ANKRD26: variants seen among roughly 807,000 people sequenced by gnomAD.
ANKRD26 encodes ankyrin repeat domain 26.
A neutral mutation model predicts 208.7 loss-of-function variants in ANKRD26; 141 were observed. That is an observed-to-expected ratio of 0.68 (90% CI 0.59 to 0.78). ANKRD26 has a LOEUF of 0.78. Ranked by LOEUF, ANKRD26 falls within the 30% of genes least tolerant of loss-of-function variation. The probability of loss-of-function intolerance (pLI) is 0.00; values close to 1 mark genes in which losing one functional copy is unlikely to be tolerated. For missense variants in ANKRD26, 1,889 were observed against 1,938.7 expected (o/e 0.97, Z 0.48); for synonymous variants, 636 against 660.4 (o/e 0.96, Z 0.57).
intron 18 of ANKRD26, chr10:27,045,992 T>C (rs2054428702): frequency 6.1e-6 from 1 of 163,982 alleles, no homozygotes; most frequent in Non-Finnish European, 1.3e-5. Flanking sequence ...AAGCATTTCC[T>C]TCTCTACTGG....
rs370283293 is a variant in ANKRD26 at position 27,077,580 on chromosome 10, G to A, written c.875-40C>T. On this transcript the variant is annotated intron_variant, in intron 8 of 33. Transcript: ENST00000376087. ...AAATAAAGAGTAAATGAAAATATAT[G>A]TAATTAAGAATCAGTGAATAACACA... The A allele has an allele frequency of 1.6e-5, 26 of 1,610,430 alleles. No individual in the cohort carries two copies. In the Middle Eastern group the frequency reaches 8.3e-4, roughly 51 times the overall value.
the ANKRD26 span, among the ~76,000 whole-genome samples, chr10:26,967,442 A>C: frequency 6.6e-6 from 1 of 152,210 alleles, no homozygotes; most frequent in African/African-American, 2.4e-5. Context: ...ACTTCAGACC[A>C]CAATCTTTTT....
At chr10:26,949,110 A>C in the ANKRD26 span, among the ~76,000 whole-genome samples, 1 of 152,124 alleles carries the variant, frequency 6.6e-6, no homozygotes, top group African/African-American at 2.4e-5. Context: ...TCTATTATAG[A>C]ATTTTCAAAC....
At chr10:26,958,916 A>C in the ANKRD26 span, among the ~76,000 whole-genome samples, 1 of 152,296 alleles carries the variant, frequency 6.6e-6, no homozygotes, top group African/African-American at 2.4e-5. Context: ...AAGTATTGAC[A>C]CTTTCACCAG....
Position 27,086,580 on chromosome 10 carries a change from T to C in ANKRD26, c.668A>G (p.Glu223Gly), listed in dbSNP as rs1257271088. The C allele has an allele frequency of 6.2e-7, 1 of 1,605,050 alleles. No homozygotes were observed. The highest frequency in any genetic ancestry group is 1.1e-5 in the South Asian group (1 of 90,810). Reference protein sequence around the residue: ...SSHQLISEYKEERIPKHSSQN... With the variant: ...SSHQLISEYKGERIPKHSSQN... ...AGAAGAATGTTTAGGTATCCTTTCT[T>C]CTTTATATTCTGAAATTAGTTGGTG... is the stretch of plus-strand genomic sequence containing the variant. The change falls in exon 5 of 34, where the codon GAA becomes GGA. Residue 223 changes from glutamate (E) to glycine (G), a missense_variant. By Grantham distance (98) the Glu-to-Gly change is moderately conservative. Transcript: ENST00000376087.
At chr10:27,079,714 G>A (rs564627026) in intron 6 of ANKRD26, among the ~76,000 whole-genome samples, 19 of 152,242 alleles carry the variant, frequency 1.2e-4, no homozygotes, top group South Asian at 4.1e-4. Context: ...TTAACCAGGC[G>A]TGGTGGCATG....
At chr10:27,018,141 A>ATTTTTTTTTTTTTT (rs11346457) in intron 29 of ANKRD26, among the ~76,000 whole-genome samples, 34 of 131,156 alleles carry the variant, frequency 2.6e-4, no homozygotes, top group African/African-American at 9.3e-4. Flanking sequence ...ATGCCCTATA[A>ATTTTTTTTTTTTTT]TTTTTTTTTT....
At position 27,100,264 on chromosome 10, in the gene ANKRD26, C is replaced by G. The variant is rs2056607066; in HGVS notation, c.63G>C (p.Arg21Ser). The stretch of plus-strand genomic sequence containing the variant: ...GCTCGCCCCCGCCTCCCGCGCTGCT[C>G]CTCTGCCGCCGCGCGAAGGAGCCCA... ...SPLGSFARRQ[R>S]SSAGGGGEPG... The change falls in exon 1 of 34, where the codon AGG becomes AGC. Residue 21 changes from arginine to serine, a missense_variant. By Grantham distance (110) the Arg-to-Ser change is moderately radical. Around this residue, in one of 3 missense-constraint regions of ANKRD26, gnomAD observed 1,272 missense variants for 1,273.8 expected, o/e 1.00. Transcript: ENST00000376087. 6.2e-7 allele frequency: 1 copy of G among 1,610,948 alleles called. No individual in the cohort carries two copies. The highest frequency in any genetic ancestry group is 1.1e-5 in the South Asian group (1 of 90,988).
intron 7 of ANKRD26, 104 bp from the exon 8 acceptor site, chr10:27,077,797 G>T: frequency 9.4e-7 from 1 of 1,062,576 alleles, no homozygotes; most frequent in Non-Finnish European, 1.4e-6. Context: ...CTAACACAAA[G>T]AACAAAGATT....
At chr10:27,074,551 T>C (rs566575514) in intron 9 of ANKRD26, among the ~76,000 whole-genome samples, 3 of 152,078 alleles carry the variant, frequency 2.0e-5, no homozygotes, top group African/African-American at 7.2e-5. Context: ...CATGGTAGCG[T>C]ATACCTGTAA....
chr10:27,060,061 G>A (rs776237488), intron 15 of ANKRD26, among the ~76,000 whole-genome samples: 12 of 151,634 alleles, frequency 7.9e-5, no homozygotes, highest in African/African-American at 2.4e-4. Context: ...TTTGCCAGGC[G>A]TAGTGATGCA....
chr10:26,984,049 G>A (rs1040050850), intron 3 of ANKRD26, among the ~76,000 whole-genome samples: 2 of 151,854 alleles, frequency 1.3e-5, no homozygotes, highest in South Asian at 2.1e-4. Flanking sequence ...TACAGCAGAC[G>A]GCAGTGGCAA....
chr10:27,088,424 G>A (rs942000020), intron 4 of ANKRD26: 2 of 152,198 alleles, frequency 1.3e-5, no homozygotes, highest in Non-Finnish European at 2.9e-5. Context: ...GCTGAAGCAA[G>A]CACAAAACCC....
intron 16 of ANKRD26, among the ~76,000 whole-genome samples, chr10:27,050,219 CAAAAAAAAA>C (rs67384671): frequency 6.1e-4 from 20 of 33,042 alleles, no homozygotes; most frequent in Middle Eastern, 0.036. Flanking sequence ...GAATCTGTCT[CAAAAAAAAA>C]AAAAAAAAAA....
intron 16 of ANKRD26, chr10:27,051,660 G>A: frequency 1.0e-6 from 1 of 985,224 alleles, no homozygotes; most frequent in Non-Finnish European, 1.2e-6. Flanking sequence ...ATATTCTGGG[G>A]ACCCAGAGTA....
chr10:26,965,927 A>C, the ANKRD26 span, among the ~76,000 whole-genome samples: 7 of 152,210 alleles, frequency 4.6e-5, no homozygotes, highest in Non-Finnish European at 8.8e-5. Context: ...TCCAAATCAC[A>C]ATGAGATACC....
chr10:27,049,126 T>G (rs368884049), intron 16 of ANKRD26, 147 bp from the exon 17 acceptor site: 6 of 619,680 alleles, frequency 9.7e-6, no homozygotes, highest in East Asian at 8.8e-5. Flanking sequence ...ATGGGATCAT[T>G]GTATACATAA....
intron 2 of ANKRD26, 77 bp downstream of exon 2, chr10:27,093,608 T>C (rs2056371185): frequency 8.1e-6 from 13 of 1,595,746 alleles, no homozygotes; most frequent in Non-Finnish European, 1.0e-5. Context: ...AGTTATATTT[T>C]AATGAGATAA....
At chr10:26,953,651 T>A in the ANKRD26 span, among the ~76,000 whole-genome samples, 42 of 152,224 alleles carry the variant, frequency 2.8e-4, no homozygotes, top group Non-Finnish European at 5.0e-4. Context: ...AATTTCATAG[T>A]CTTATGCAAC....
Sources: allele counts gnomAD v4.1 joint callset (sites outside exome capture counted in the v4.1 genomes callset), GRCh38; gene constraint gnomAD v4.1.1; regional missense constraint gnomAD v4.1.1; transcripts MANE v1.5; gene names NCBI Gene and HGNC (gene_info 2026-07-23, HGNC 2026-07-21).